Variants in SCNN1B observed in about 807,000 individuals in gnomAD.
The protein encoded by SCNN1B is epithelial sodium channel subunit beta.
SCNN1B carries 46 observed loss-of-function variants against 65.3 expected under a neutral mutation model. The ratio of observed to expected loss-of-function variants is 0.70; its 90% CI spans 0.56 to 0.90. The LOEUF is 0.90. SCNN1B is among the 40% of genes least tolerant of loss of function. SCNN1B has a pLI of 0.00. For synonymous variants in SCNN1B, 349 were observed against 330.6 expected, an observed-to-expected ratio of 1.06 and a Z score of -0.60; for missense variants, 751 against 830.5, an observed-to-expected ratio of 0.90 and a Z score of 1.18.
intron 1 of SCNN1B, among the ~76,000 whole-genome samples, chr16:23,347,606 A>G (rs1962216465): frequency 6.6e-6 from 1 of 152,188 alleles, no homozygotes; most frequent in Non-Finnish European, 1.5e-5. Flanking sequence ...TGAGCTATAC[A>G]TACATTTAAG....
At chr16:23,286,846 C>T (rs2141968636) in intron 2 of SCNN1B, among the ~76,000 whole-genome samples, 1 of 152,254 alleles carries the variant, frequency 6.6e-6, no homozygotes, top group East Asian at 1.9e-4. Context: ...AATCCCAGCA[C>T]TTTGGGAGGC....
upstream of SCNN1B, among the ~76,000 whole-genome samples, chr16:23,299,025 A>G (rs377234961): frequency 2.7e-5 from 4 of 146,324 alleles, no homozygotes; most frequent in East Asian, 2.0e-4. Flanking sequence ...TGAAATTGCT[A>G]TGTTCTTTTT....
chr16:23,321,127 C>T (rs1295775657), intron 1 of SCNN1B, among the ~76,000 whole-genome samples: 1 of 152,168 alleles, frequency 6.6e-6, no homozygotes, highest in Non-Finnish European at 1.5e-5. Flanking sequence ...CTGCAACCTC[C>T]GTCTCCTGGG....
At chr16:23,326,497 C>G (rs1000054929) in intron 1 of SCNN1B, among the ~76,000 whole-genome samples, 10 of 152,144 alleles carry the variant, frequency 6.6e-5, no homozygotes, top group African/African-American at 2.4e-4. Context: ...CAGAGTCTCA[C>G]TCTGTCACCC....
intron 2 of SCNN1B, among the ~76,000 whole-genome samples, chr16:23,352,430 G>C (rs541545781): frequency 6.6e-6 from 1 of 152,194 alleles, no homozygotes; most frequent in Non-Finnish European, 1.5e-5. Context: ...ACCTGGTGTG[G>C]GTGATTAGAT....
chr16:23,290,500 G>T (rs901414648), intron 2 of SCNN1B, among the ~76,000 whole-genome samples: 1 of 152,062 alleles, frequency 6.6e-6, no homozygotes, highest in East Asian at 1.9e-4. Flanking sequence ...TAGAGACCAG[G>T]TCTTGCTACG....
At chr16:23,360,217 T>A (rs142296592) in intron 4 of SCNN1B, among the ~76,000 whole-genome samples, 5 of 150,110 alleles carry the variant, frequency 3.3e-5, no homozygotes, top group Non-Finnish European at 5.9e-5. Context: ...AATAAATAAA[T>A]AAATAAATAA....
In SCNN1B at chr16:23,380,652, C is replaced by T. The variant is rs188536989; in HGVS notation, c.1774C>T (p.Pro592Ser). The T allele has an allele frequency of 3.3e-5, 54 of 1,613,004 alleles. No individual in the cohort carries two copies. In the East Asian group the frequency reaches 1.2e-3, roughly 35 times the overall value. Residue 592 changes from proline to serine, a missense_variant, in exon 13 of 13, where the codon CCT (proline) becomes TCT (serine). Transcript: ENST00000343070. This position sits in a 1 kb window ranked among gnomAD's most constrained non-coding sequence, Gnocchi z 5.4. ...GGCCCACACCAACTTTGGCTTCCAG[C>T]CTGACACGGCCCCCCGCAGCCCCAA... ...VEAHTNFGFQ[P>S]DTAPRSPNTG...
intron 1 of SCNN1B, among the ~76,000 whole-genome samples, chr16:23,308,904 C>T (rs1033471340): frequency 6.6e-6 from 1 of 152,098 alleles, no homozygotes; most frequent in Admixed American, 6.6e-5. Context: ...TGCCTGGCCA[C>T]GATCTGTATT....
At chr16:23,330,139 C>T (rs1961781434) in intron 1 of SCNN1B, among the ~76,000 whole-genome samples, 1 of 152,184 alleles carries the variant, frequency 6.6e-6, no homozygotes, top group Non-Finnish European at 1.5e-5. Context: ...TGCAGCTACC[C>T]ATGTGTCGCC....
chr16:23,378,701 T>C lies in SCNN1B; in HGVS notation c.1405-5T>C, dbSNP rs1486744416. ...AACTTTTGCAACCACCTTCTTGGGTTCCAGGACTGGATTTTCCACGTCTTG... is the reference window on the plus strand; with the variant it reads ...AACTTTTGCAACCACCTTCTTGGGTCCCAGGACTGGATTTTCCACGTCTTG... On this transcript the variant is annotated splice_polypyrimidine_tract_variant and splice_region_variant and intron_variant, in intron 10 of 12. Transcript: ENST00000343070. 2 of 1,614,124 alleles carry C rather than the reference T, an allele frequency of 1.2e-6. No homozygotes were observed. The highest frequency in any genetic ancestry group is 1.1e-5 in the South Asian group (1 of 91,080).
chr16:23,288,357 T>A (rs1214479285), intron 2 of SCNN1B, among the ~76,000 whole-genome samples: 1 of 152,294 alleles, frequency 6.6e-6, no homozygotes, highest in Middle Eastern at 3.4e-3. Context: ...AGTTCCCTAG[T>A]GTATTAGCTG....
intron 7 of SCNN1B, among the ~76,000 whole-genome samples, chr16:23,375,108 G>C (rs1240817172): frequency 6.6e-6 from 1 of 152,130 alleles, no homozygotes; most frequent in Non-Finnish European, 1.5e-5. Context: ...CCAGTATGTT[G>C]GGGCCGAGTG....
chr16:23,330,191 G>C (rs1332796100), intron 1 of SCNN1B, among the ~76,000 whole-genome samples: 1 of 152,196 alleles, frequency 6.6e-6, no homozygotes, highest in Non-Finnish European at 1.5e-5. Flanking sequence ...TGTGGCTGTA[G>C]TGCCCAGGGA....
Position 23,381,227 on chromosome 16 carries a change from C to T in SCNN1B, c.*426C>T, listed in dbSNP as rs895264214. 4.1e-6 allele frequency: 1 copy of T among 244,724 alleles called. No individual in the cohort carries two copies. The highest frequency in any genetic ancestry group is 2.2e-5 in the African/African-American group (1 of 44,764). 15.2% of individuals were successfully genotyped at this position (244,724 alleles called of 1,614,324 possible). A position where few individuals can be genotyped will look rare whatever the true frequency, so the allele number is the denominator to read the frequency against. On this transcript the variant is annotated 3_prime_UTR_variant, in exon 13 of 13. Transcript: ENST00000343070. Reference sequence around the variant, plus strand: ...CAGGGGTGGTGGAGAGATGGAAGGGCATCAGGTGTAGGGACCCTGCCAAGT... The same window carrying T: ...CAGGGGTGGTGGAGAGATGGAAGGGTATCAGGTGTAGGGACCCTGCCAAGT...
chr16:23,289,903 T>A (rs1362862035), intron 2 of SCNN1B, among the ~76,000 whole-genome samples: 1 of 152,070 alleles, frequency 6.6e-6, no homozygotes, highest in East Asian at 1.9e-4. Flanking sequence ...CTCGAACTCC[T>A]GATCTCAAAT....
In SCNN1B at chr16:23,283,797, T is replaced by C. The variant is rs567859392; in HGVS notation, n.171T>C. On this transcript the variant is annotated non_coding_transcript_exon_variant, in exon 2 of 4. Transcript: ENST00000569789. ...GGACTCAGCAACATCAGGAAACTAC[T>C]CTCACAGGTAGGGCTGGAGGGACAC... 6 of 152,304 alleles carry C rather than the reference T, an allele frequency of 3.9e-5. No individual in the cohort carries two copies. The South Asian group carries it at 1.2e-3, about 32-fold the overall frequency. 9.4% of individuals were successfully genotyped at this position (152,304 alleles called of 1,614,324 possible).
At chr16:23,375,974 C>A in intron 8 of SCNN1B, 119 bp downstream of exon 8, 1 of 734,954 alleles carries the variant, frequency 1.4e-6, no homozygotes, top group South Asian at 1.5e-5. Context: ...CCCAGGGTGG[C>A]TCCTCCACAG....
At chr16:23,286,109 T>C (rs912897079) in intron 2 of SCNN1B, among the ~76,000 whole-genome samples, 6 of 152,216 alleles carry the variant, frequency 3.9e-5, no homozygotes, top group Non-Finnish European at 8.8e-5. Flanking sequence ...AGCTGTTGCA[T>C]CAAGTCCTTA....
Sources: allele counts gnomAD v4.1 joint callset (sites outside exome capture counted in the v4.1 genomes callset), GRCh38; gene constraint gnomAD v4.1.1; non-coding constraint Gnocchi (gnomAD v3.1); transcripts MANE v1.5; gene names NCBI Gene and HGNC (gene_info 2026-07-23, HGNC 2026-07-21).